LOC128462377: variants seen among roughly 807,000 people sequenced by gnomAD.
At chr16:89,318,796 G>T in the LOC128462377 span, among the ~76,000 whole-genome samples, 1 of 152,248 alleles carries the variant, frequency 6.6e-6, no homozygotes, top group Non-Finnish European at 1.5e-5. Flanking sequence ...ATTCTGGAGA[G>T]AGGGACAGGT....
chr16:89,383,138 C>T, the LOC128462377 span, among the ~76,000 whole-genome samples: 1 of 152,092 alleles, frequency 6.6e-6, no homozygotes, highest in Non-Finnish European at 1.5e-5. Flanking sequence ...TGCGGACCCA[C>T]AGCCTAAGGC....
At chr16:89,335,914 C>A in the LOC128462377 span, among the ~76,000 whole-genome samples, 1 of 152,220 alleles carries the variant, frequency 6.6e-6, no homozygotes, top group Non-Finnish European at 1.5e-5. Flanking sequence ...ACTGGCCAGA[C>A]CCCTGCCTGT....
At chr16:89,352,238 G>C in the LOC128462377 span, among the ~76,000 whole-genome samples, 1 of 152,138 alleles carries the variant, frequency 6.6e-6, no homozygotes, top group African/African-American at 2.4e-5. Flanking sequence ...GGGATGGAAT[G>C]CTGGACACGA....
chr16:89,402,373 T>A, the LOC128462377 span, among the ~76,000 whole-genome samples: 2 of 152,186 alleles, frequency 1.3e-5, no homozygotes, highest in Admixed American at 1.3e-4. Flanking sequence ...GATTGAGCGC[T>A]TATTTAAATC....
the LOC128462377 span, among the ~76,000 whole-genome samples, chr16:89,361,964 G>A: frequency 6.6e-6 from 1 of 152,210 alleles, no homozygotes; most frequent in Non-Finnish European, 1.5e-5. Context: ...ACCCTGGATG[G>A]GCGGCCAGGG....
chr16:89,351,563 T>C, the LOC128462377 span, among the ~76,000 whole-genome samples: 4 of 152,200 alleles, frequency 2.6e-5, no homozygotes, highest in African/African-American at 9.6e-5. Context: ...GGCAGGTCTG[T>C]AAGTTAAGGC....
At chr16:89,334,156 A>AC in the LOC128462377 span, among the ~76,000 whole-genome samples, 2 of 138,384 alleles carry the variant, frequency 1.4e-5, no homozygotes, top group Non-Finnish European at 3.1e-5. Context: ...AAAAAAAAAA[A>AC]AAAAAAAAAA....
At chr16:89,337,468 CCTCT>C in the LOC128462377 span, among the ~76,000 whole-genome samples, 2 of 94,958 alleles carry the variant, frequency 2.1e-5, no homozygotes, top group Non-Finnish European at 4.2e-5. Flanking sequence ...AGACAGTCTC[CCTCT>C]GTCGCCCAGG....
chr16:89,409,682 G>A, the LOC128462377 span, among the ~76,000 whole-genome samples: 2 of 152,146 alleles, frequency 1.3e-5, no homozygotes, highest in Admixed American at 6.6e-5. Flanking sequence ...ACTGGTTGTC[G>A]TGTTACTAAA....
chr16:89,322,949 T>C, the LOC128462377 span: 3 of 250,360 alleles, frequency 1.2e-5, no homozygotes, highest in Non-Finnish European at 2.4e-5. Flanking sequence ...GCTCAAGCTA[T>C]CCGCTCACTT....
chr16:89,342,717 A>G, the LOC128462377 span, among the ~76,000 whole-genome samples: 2 of 152,244 alleles, frequency 1.3e-5, no homozygotes. Context: ...GCCCTACAGA[A>G]TTACTTCTCA....
the LOC128462377 span, chr16:89,323,341 A>T: frequency 7.8e-7 from 1 of 1,288,638 alleles, no homozygotes; most frequent in Non-Finnish European, 1.0e-6. Flanking sequence ...CAGGTATGGA[A>T]GAGAAGCACC....
At chr16:89,365,219 G>A in the LOC128462377 span, among the ~76,000 whole-genome samples, 8 of 152,314 alleles carry the variant, frequency 5.3e-5, no homozygotes, top group Non-Finnish European at 8.8e-5. Flanking sequence ...AGAAGGGGAA[G>A]TTCCAGAGCT....
At chr16:89,319,465 A>G in the LOC128462377 span, among the ~76,000 whole-genome samples, 2 of 152,244 alleles carry the variant, frequency 1.3e-5, no homozygotes, top group Non-Finnish European at 2.9e-5. Context: ...TCCCAGGTGT[A>G]CGCTGTGTTT....
chr16:89,380,698 G>A, the LOC128462377 span, among the ~76,000 whole-genome samples: 1 of 152,234 alleles, frequency 6.6e-6, no homozygotes, highest in South Asian at 2.1e-4. Flanking sequence ...AGCCTGACGA[G>A]TACCTGCCTG....
At chr16:89,319,774 A>T in the LOC128462377 span, among the ~76,000 whole-genome samples, 1 of 152,238 alleles carries the variant, frequency 6.6e-6, no homozygotes. Context: ...GCCTGCAGGC[A>T]CCAGGCGTGC....
the LOC128462377 span, among the ~76,000 whole-genome samples, chr16:89,402,653 C>T: frequency 9.1e-6 from 1 of 110,132 alleles, no homozygotes; most frequent in Non-Finnish European, 1.9e-5. Context: ...GGCAGCACTG[C>T]AGGGTGAGGT....
At chr16:89,393,491 T>C in the LOC128462377 span, among the ~76,000 whole-genome samples, 15 of 19,984 alleles carry the variant, frequency 7.5e-4, no homozygotes, top group East Asian at 0.018. Flanking sequence ...ATCCAGCTGC[T>C]TTTTTTTTTT....
the LOC128462377 span, among the ~76,000 whole-genome samples, chr16:89,356,497 C>T: frequency 2.6e-5 from 4 of 151,578 alleles, no homozygotes; most frequent in Non-Finnish European, 4.4e-5. Context: ...CAGGGCCAGG[C>T]GCGGTGGCTC....
Sources: allele counts gnomAD v4.1 joint callset (sites outside exome capture counted in the v4.1 genomes callset), GRCh38; gene constraint gnomAD v4.1.1; transcripts MANE v1.5.